ROPN1L: variants seen among roughly 807,000 people sequenced by gnomAD.
The protein encoded by ROPN1L is ropporin-1-like protein.
Under a neutral mutation model 22.7 loss-of-function variants are expected in ROPN1L, and 23 were observed. That is an observed-to-expected ratio of 1.01 (90% CI 0.73 to 1.43). ROPN1L has a LOEUF of 1.43. ROPN1L is among the 40% of genes most tolerant of loss of function. ROPN1L has a pLI of 0.00. For missense variants in ROPN1L, 271 were observed against 291.5 expected (o/e 0.93, Z 0.51); for synonymous variants, 116 against 117.8 (o/e 0.98, Z 0.10).
At chr5:10,468,881 C>T (rs936861553), downstream of ROPN1L, among the ~76,000 whole-genome samples, 7 of 152,188 alleles carry the variant, frequency 4.6e-5, no homozygotes, top group South Asian at 6.2e-4. Context: ...TTGGGCTGGG[C>T]GCAATGGCTC....
At chr5:10,465,575 C>T (rs1028619121), downstream of ROPN1L, among the ~76,000 whole-genome samples, 7 of 151,610 alleles carry the variant, frequency 4.6e-5, no homozygotes, top group Non-Finnish European at 5.9e-5. Context: ...TTTGGTCAGG[C>T]GCAGTGGCTC....
At chr5:10,449,861 G>A (rs138076823) in intron 2 of ROPN1L, 91 bp from the exon 3 acceptor site, 334 of 1,091,548 alleles carry the variant, frequency 3.1e-4, no homozygotes, top group Admixed American at 2.1e-3. Context: ...GCATGGGGCG[G>A]GTTACTTGGT....
chr5:10,457,536 C>T (rs557971824), intron 3 of ROPN1L, among the ~76,000 whole-genome samples: 2 of 152,358 alleles, frequency 1.3e-5, no homozygotes, highest in African/African-American at 4.8e-5. Context: ...CCCTCTGGGC[C>T]TGGCCAAGGT....
intron 3 of ROPN1L, among the ~76,000 whole-genome samples, chr5:10,458,979 G>A (rs1186026424): frequency 3.1e-5 from 2 of 64,448 alleles, no homozygotes; most frequent in Middle Eastern, 8.1e-3. Context: ...ACACCACCCC[G>A]CCTGTATACC....
chr5:10,458,959 C>G (rs1734943458), intron 3 of ROPN1L, among the ~76,000 whole-genome samples: 1 of 135,078 alleles, frequency 7.4e-6, no homozygotes, highest in Non-Finnish European at 1.6e-5. Flanking sequence ...GTACACCACC[C>G]CACCTGTATA....
intron 4 of ROPN1L, 136 bp downstream of exon 4, chr5:10,461,495 A>G (rs545563084): frequency 4.8e-4 from 361 of 752,390 alleles, no homozygotes; most frequent in Non-Finnish European, 6.9e-4. Context: ...GAAGACTGCT[A>G]TGATCAAATG....
intron 3 of ROPN1L, 117 bp from the exon 4 acceptor site, chr5:10,461,066 AC>A (rs1414879773): frequency 7.9e-6 from 7 of 881,538 alleles, no homozygotes; most frequent in Non-Finnish European, 1.2e-5. Context: ...TGGAGCACAT[AC>A]TTTTTGGAGA....
intron 3 of ROPN1L, among the ~76,000 whole-genome samples, chr5:10,453,804 A>G (rs1741331109): frequency 6.6e-6 from 1 of 152,148 alleles, no homozygotes. Context: ...CATACATACC[A>G]TTCATTCCAC....
At chr5:10,445,447 A>C (rs1004416114) in intron 1 of ROPN1L, among the ~76,000 whole-genome samples, 4 of 152,218 alleles carry the variant, frequency 2.6e-5, no homozygotes, top group African/African-American at 9.6e-5. Flanking sequence ...GGGTCACGAA[A>C]GTTAAGCAAA....
At chr5:10,456,258 G>A (rs966118070) in intron 3 of ROPN1L, among the ~76,000 whole-genome samples, 7 of 152,190 alleles carry the variant, frequency 4.6e-5, no homozygotes, top group South Asian at 2.1e-4. Flanking sequence ...AGGCCAAGGC[G>A]GGTGGATCAC....
At chr5:10,443,365 GT>G in intron 1 of ROPN1L, among the ~76,000 whole-genome samples, 1 of 71,666 alleles carries the variant, frequency 1.4e-5, no homozygotes, top group Admixed American at 1.2e-4. Flanking sequence ...GCTCACGCCT[GT>G]AATCCCAGCA....
At chr5:10,467,962 C>T (rs1182303179), downstream of ROPN1L, among the ~76,000 whole-genome samples, 1 of 152,216 alleles carries the variant, frequency 6.6e-6, no homozygotes, top group African/African-American at 2.4e-5. Flanking sequence ...GCACCCAGGT[C>T]CCGTCCCCTG....
rs992146301 is a variant in ROPN1L, at chr5:10,442,370, C to G, written c.131+72C>G. ...CAGACGAGCCCAGAGAGCCCTCCTC[C>G]CGGACCAGGGGCCTTACGCGGCACT... is the stretch of plus-strand genomic sequence containing the variant. On this transcript the variant is annotated intron_variant, in intron 1 of 4. Coordinates refer to ENST00000274134, the MANE Select transcript of ROPN1L (RefSeq NM_031916.5). The G allele has an allele frequency of 3.2e-6, 5 of 1,580,368 alleles. No individual in the cohort carries two copies. In the African/African-American group the frequency reaches 5.4e-5, roughly 17 times the overall value.
chr5:10,445,707 C>T (rs1453896406), intron 1 of ROPN1L, among the ~76,000 whole-genome samples: 1 of 152,212 alleles, frequency 6.6e-6, no homozygotes, highest in Non-Finnish European at 1.5e-5. Flanking sequence ...GGACAGGTTA[C>T]TTGAGCTCAG....
chr5:10,460,910 C>T (rs2126464188), intron 3 of ROPN1L, among the ~76,000 whole-genome samples: 1 of 152,358 alleles, frequency 6.6e-6, no homozygotes, highest in Middle Eastern at 3.4e-3. Flanking sequence ...TTGATGCTTC[C>T]TTTTGTCTGT....
Position 10,464,742 on chromosome 5 carries a change from T to C in ROPN1L, c.594-106T>C, listed in dbSNP as rs899913763. 1.6e-5 allele frequency: 10 copies of C among 634,376 alleles called. No individual in the cohort carries two copies. In the African/African-American group the frequency reaches 1.9e-4, roughly 12 times the overall value. 39.3% of individuals were successfully genotyped at this position (634,376 alleles called of 1,614,324 possible). A position where few individuals can be genotyped will look rare whatever the true frequency, so the allele number is the denominator to read the frequency against. On this transcript the variant is annotated intron_variant, in intron 4 of 4. Coordinates refer to ENST00000274134, the MANE Select transcript of ROPN1L (RefSeq NM_031916.5). The stretch of plus-strand genomic sequence containing the variant: ...AGAATTACTGATGAGCAACCATAAA[T>C]AGTTTTTAAAAGTAGACCTTTTAAA...
intron 1 of ROPN1L, among the ~76,000 whole-genome samples, chr5:10,447,440 G>A (rs1332707546): frequency 6.6e-6 from 1 of 152,204 alleles, no homozygotes; most frequent in Non-Finnish European, 1.5e-5. Context: ...TGGGGGTGGG[G>A]GGATGGGAGC....
At position 10,464,869 on chromosome 5, in the gene ROPN1L, G is replaced by A; in HGVS notation, c.615G>A (p.Met205Ile). 6.2e-7 allele frequency: 1 copy of A among 1,604,450 alleles called. No individual in the cohort carries two copies. The highest frequency in any genetic ancestry group is 1.7e-4 in the Middle Eastern group (1 of 5,780). The change falls in exon 5 of 5, where the codon ATG (methionine) becomes ATA (isoleucine). Residue 205 changes from methionine to isoleucine, a missense_variant. Physicochemically the swap from Met to Ile is conservative, Grantham distance 10 (BLOSUM62 1). Transcript: ENST00000274134. Reference sequence around the variant, plus strand: ...TTAGAGACGCCAGGAAGAACGGCATGATAGGTCTTTCAGATTTCTTCTTTC... The same window carrying A: ...TTAGAGACGCCAGGAAGAACGGCATAATAGGTCTTTCAGATTTCTTCTTTC... ...KENIDARKNGMIGLSDFFFPK... is the reference protein window; with the variant it reads ...KENIDARKNGIIGLSDFFFPK...
chr5:10,464,751 A>G, intron 4 of ROPN1L, 97 bp from the exon 5 acceptor site: 2 of 698,060 alleles, frequency 2.9e-6, no homozygotes, highest in South Asian at 4.7e-5. Context: ...ATAGTTTTTA[A>G]AAGTAGACCT....
Sources: gnomAD v4.1 joint callset for allele counts (sites outside exome capture counted in the v4.1 genomes callset) on GRCh38, gnomAD v4.1.1 for gene constraint, MANE v1.5 for transcripts, NCBI Gene and HGNC (gene_info 2026-07-23, HGNC 2026-07-21) for gene names.